Variants in KIRREL3 observed in about 807,000 individuals in gnomAD.
KIRREL3 encodes kin of IRRE-like protein 3.
In KIRREL3, 36 loss-of-function variants were observed where a neutral mutation model predicts 89.7. That is an observed-to-expected ratio of 0.40 (90% CI 0.31 to 0.53). The LOEUF is 0.53. KIRREL3 is among the 20% of genes least tolerant of loss of function. The pLI is 0.49. For synonymous variants in KIRREL3, 445 were observed against 441.4 expected, an observed-to-expected ratio of 1.01 and a Z score of -0.10; for missense variants, 864 against 1,056.6, an observed-to-expected ratio of 0.82 and a Z score of 2.53.
rs532864618 is a variant in KIRREL3 at position 126,788,792 on chromosome 11, C to T, written c.55+211663G>A. Among the ~76,000 whole-genome samples the T allele has an allele frequency of 7.2e-5, 11 of 152,206 alleles. No individual in the cohort carries two copies. The highest frequency in any genetic ancestry group is 2.1e-4 in the South Asian group (1 of 4,806). On this transcript the variant is annotated intron_variant, in intron 1 of 16. Transcript: ENST00000525144. The surrounding 1 kb of genome is among the most constrained non-coding windows in gnomAD (Gnocchi z 4.1). Reference sequence around the variant, plus strand: ...CCAGGCAGCTGCATGTTGTATTATCCGCATCATAGGGCAAGGAGAGAGAAA... The same window carrying T: ...CCAGGCAGCTGCATGTTGTATTATCTGCATCATAGGGCAAGGAGAGAGAAA...
At chr11:126,680,027 G>T (rs1019347554) in intron 1 of KIRREL3, among the ~76,000 whole-genome samples, 3 of 152,262 alleles carry the variant, frequency 2.0e-5, no homozygotes, top group Admixed American at 1.3e-4. Flanking sequence ...ACCTGGGTCT[G>T]GTTCTCCCAG....
In KIRREL3 at chr11:126,459,344, C is replaced by A. The variant is rs561598125; in HGVS notation, c.743-2890G>T. ...TGCCTCATCACGCCCCTGCCATGATCAGCTCACTCGTAAGGCTGCTCTCCT... is the reference window on the plus strand; with the variant it reads ...TGCCTCATCACGCCCCTGCCATGATAAGCTCACTCGTAAGGCTGCTCTCCT... On this transcript the variant is annotated intron_variant, in intron 6 of 16. Transcript: ENST00000525144. The surrounding 1 kb of genome is among the most constrained non-coding windows in gnomAD (Gnocchi z 4.8). 3.5e-4 allele frequency among the ~76,000 whole-genome samples: 53 copies of A among 152,296 alleles called. No homozygotes were observed. Among genetic ancestry groups the A allele is most frequent in the Non-Finnish European group, 5.9e-4 (40 of 68,024 alleles).
intron 2 of KIRREL3, among the ~76,000 whole-genome samples, chr11:126,529,305 G>A (rs1249746191): frequency 2.0e-5 from 3 of 152,176 alleles, no homozygotes; most frequent in African/African-American, 7.2e-5. Context: ...GGAAGGCAAC[G>A]CTGGGAAGGG....
Position 126,446,752 on chromosome 11 carries a change from G to T in KIRREL3, c.1125+7C>A. ...GAGGTGCCCCGAGGTCTGAGCTGCA[G>T]CCTCACCACTCCGGAGCCCCGCTTC... On this transcript the variant is annotated splice_region_variant and intron_variant, in intron 9 of 16. Transcript: ENST00000525144. 1.3e-6 allele frequency: 2 copies of T among 1,597,256 alleles called. No individual in the cohort carries two copies. The highest frequency in any genetic ancestry group is 1.1e-5 in the South Asian group (1 of 87,762).
In KIRREL3 at chr11:126,867,205, C is replaced by T. The variant is rs542005070; in HGVS notation, c.55+133250G>A. On this transcript the variant is annotated intron_variant, in intron 1 of 16. Coordinates refer to ENST00000525144, the MANE Select transcript of KIRREL3 (RefSeq NM_032531.4). This position sits in a 1 kb window ranked among gnomAD's most constrained non-coding sequence, Gnocchi z 4.7. ...CCCCCCAGGGGTTTGAGCAGCGGGG[C>T]ATCTATGCAGCGAGCCACACTCCTA... 4.9e-4 allele frequency among the ~76,000 whole-genome samples: 74 copies of T among 152,326 alleles called. No individual in the cohort carries two copies. Among genetic ancestry groups the T allele is most frequent in the African/African-American group, 1.7e-3 (72 of 41,574 alleles).
At chr11:126,972,578 C>A (rs1048246212) in intron 1 of KIRREL3, among the ~76,000 whole-genome samples, 2 of 152,210 alleles carry the variant, frequency 1.3e-5, no homozygotes, top group African/African-American at 4.8e-5. Flanking sequence ...ACTGAAGGAG[C>A]AGGCATTCTG....
chr11:126,450,146 T>C (rs1401993168), intron 7 of KIRREL3, among the ~76,000 whole-genome samples: 1 of 152,206 alleles, frequency 6.6e-6, no homozygotes, highest in African/African-American at 2.4e-5. Flanking sequence ...TGTATGTGTA[T>C]ACACATGTAT....
At position 126,562,873 on chromosome 11, in the gene KIRREL3, C is replaced by A; in HGVS notation, c.95G>T (p.Gly32Val). Residue 32 changes from glycine (G) to valine (V), a missense_variant, in exon 2 of 17, where the codon GGC becomes GTC. Gly to Val is a moderately radical substitution (Grantham distance 109). Coordinates refer to ENST00000525144, the MANE Select transcript of KIRREL3 (RefSeq NM_032531.4). This position sits in a 1 kb window ranked among gnomAD's most constrained non-coding sequence, Gnocchi z 4.7. Reference protein sequence around the residue: ...LQKRGCCLVLGYMAKDKFRRM... With the variant: ...LQKRGCCLVLVYMAKDKFRRM... ...CCGAAACTTGTCCTTGGCCATGTAG[C>A]CCAGCACCAGACAGCATCCTCTCTT... 2 of 1,613,848 alleles carry A rather than the reference C, an allele frequency of 1.2e-6. No individual in the cohort carries two copies. Among genetic ancestry groups the A allele is most frequent in the Non-Finnish European group, 1.7e-6 (2 of 1,179,802 alleles).
At chr11:126,444,295 C>T (rs904155304) in intron 10 of KIRREL3, among the ~76,000 whole-genome samples, 2 of 152,208 alleles carry the variant, frequency 1.3e-5, no homozygotes, top group Admixed American at 6.5e-5. Flanking sequence ...GTGACTCACA[C>T]GCATTGGGAA....
chr11:126,798,393 G>A (rs1298668334), intron 1 of KIRREL3, among the ~76,000 whole-genome samples: 3 of 152,114 alleles, frequency 2.0e-5, no homozygotes, highest in African/African-American at 7.2e-5. Context: ...GTATCCAGTG[G>A]ATGGCAGAAA....
At chr11:126,863,466 T>TGTGTGTGAGTGC (rs1250315617) in intron 1 of KIRREL3, among the ~76,000 whole-genome samples, 2 of 110,944 alleles carry the variant, frequency 1.8e-5, no homozygotes, top group African/African-American at 3.6e-5. Flanking sequence ...TGAGTGCGTG[T>TGTGTGTGAGTGC]GTGTGTGAGT....
At position 126,708,776 on chromosome 11, in the gene KIRREL3, C is replaced by T. The variant is rs115094286; in HGVS notation, c.56-145864G>A. 0.012 allele frequency among the ~76,000 whole-genome samples: 1,768 copies of T among 152,292 alleles called. 30 individuals carry two copies. Among genetic ancestry groups the T allele is most frequent in the African/African-American group, 0.041 (1,684 of 41,544 alleles). On this transcript the variant is annotated intron_variant, in intron 1 of 16. Coordinates refer to ENST00000525144, the MANE Select transcript of KIRREL3 (RefSeq NM_032531.4). This position sits in a 1 kb window ranked among gnomAD's most constrained non-coding sequence, Gnocchi z 5.7. ...AGGAGTTCACTAGCTTTCCTCCCTCCGCTCTCCAGCTCCCGTTCCTACCAA... is the reference window on the plus strand; with the variant it reads ...AGGAGTTCACTAGCTTTCCTCCCTCTGCTCTCCAGCTCCCGTTCCTACCAA...
intron 7 of KIRREL3, 92 bp downstream of exon 7, chr11:126,456,257 G>T: frequency 1.2e-6 from 1 of 809,806 alleles, no homozygotes; most frequent in Non-Finnish European, 2.1e-6. Flanking sequence ...ACACACTGCA[G>T]CCATGCTGAG....
intron 1 of KIRREL3, among the ~76,000 whole-genome samples, chr11:126,613,895 T>TG (rs1424367391): frequency 9.5e-6 from 1 of 104,834 alleles, no homozygotes; most frequent in African/African-American, 3.5e-5. Context: ...TTTTTTTTTA[T>TG]TTTTTTCCCC....
chr11:126,533,966 G>A (rs1327817022), intron 2 of KIRREL3, among the ~76,000 whole-genome samples: 2 of 152,190 alleles, frequency 1.3e-5, no homozygotes, highest in East Asian at 1.9e-4. Flanking sequence ...GACGGGAAGC[G>A]TGACCTGGAA....
rs189920149 is a variant in KIRREL3, at chr11:126,531,083, C to T, written c.134-4396G>A. On this transcript the variant is annotated intron_variant, in intron 2 of 16. Coordinates refer to ENST00000525144, the MANE Select transcript of KIRREL3 (RefSeq NM_032531.4). The surrounding 1 kb of genome is among the most constrained non-coding windows in gnomAD (Gnocchi z 4.7). ...GACCTCATGATCCACCTGCCTCGAC[C>T]TCCCAAAGTGTTGGGATTACGAGCG... Among the ~76,000 whole-genome samples the T allele has an allele frequency of 1.9e-3, 294 of 152,198 alleles. No homozygotes were observed. Among genetic ancestry groups the T allele is most frequent in the African/African-American group, 6.5e-3 (268 of 41,518 alleles).
rs1315811532 is a variant in KIRREL3 at position 126,766,667 on chromosome 11, T to C, written c.56-203755A>G. The stretch of plus-strand genomic sequence containing the variant: ...GGGAGTGTACACACGGAAGTTCTTT[T>C]CTGGGGCTTTGATAATCTCAATAGG... On this transcript the variant is annotated intron_variant, in intron 1 of 16. Transcript: ENST00000525144. This position sits in a 1 kb window ranked among gnomAD's most constrained non-coding sequence, Gnocchi z 4.2. Among the ~76,000 whole-genome samples the C allele has an allele frequency of 1.3e-5, 2 of 152,158 alleles. No individual in the cohort carries two copies. The highest frequency in any genetic ancestry group is 2.9e-5 in the Non-Finnish European group (2 of 68,026).
intron 1 of KIRREL3, among the ~76,000 whole-genome samples, chr11:126,875,649 C>A (rs1945258256): frequency 6.6e-6 from 1 of 152,202 alleles, no homozygotes; most frequent in Admixed American, 6.5e-5. Context: ...CTCCTTCCAT[C>A]CAGTGGGCTT....
At chr11:126,472,103 A>C (rs1956911530) in intron 5 of KIRREL3, among the ~76,000 whole-genome samples, 3 of 152,232 alleles carry the variant, frequency 2.0e-5, no homozygotes, top group South Asian at 4.1e-4. Context: ...ACTCAGTTAA[A>C]TGTGAATTTC....
Sources: allele counts gnomAD v4.1 joint callset (sites outside exome capture counted in the v4.1 genomes callset), GRCh38; gene constraint gnomAD v4.1.1; non-coding constraint Gnocchi (gnomAD v3.1); transcripts MANE v1.5; gene names NCBI Gene and HGNC (gene_info 2026-07-23, HGNC 2026-07-21).